The following TEX11 variants were observed in gnomAD, a reference collection of about 807,000 sequenced individuals.
The protein encoded by TEX11 is testis-expressed protein 11.
In TEX11, 7 loss-of-function variants were observed where a neutral mutation model predicts 84.4. The ratio of observed to expected loss-of-function variants is 0.08; its 90% confidence interval spans 0.05 to 0.16. TEX11 has a LOEUF of 0.16. TEX11 is among the 10% of genes least tolerant of loss of function. The pLI is 1.00. For missense variants in TEX11, 551 were observed against 660.5 expected (o/e 0.83, Z 1.82); for synonymous variants, 264 against 222.8 (o/e 1.18, Z -1.64).
chrX:70,734,592 A>C (rs1229817893), intron 11 of TEX11, among the ~76,000 whole-genome samples: 1 of 111,919 alleles, frequency 8.9e-6, no homozygotes, highest in Admixed American at 9.5e-5. Flanking sequence ...TGAATAATTC[A>C]CACTTTATTT....
At chrX:70,671,760 C>G (rs185827212) in intron 15 of TEX11, among the ~76,000 whole-genome samples, 151 of 107,378 alleles carry the variant, frequency 1.4e-3, no homozygotes, top group Middle Eastern at 4.9e-3. Context: ...ATTTTGTTCC[C>G]TTTTTTCTCT....
At chrX:70,715,198 C>T (rs1013115293) in intron 13 of TEX11, among the ~76,000 whole-genome samples, 3 of 107,887 alleles carry the variant, frequency 2.8e-5, no homozygotes, top group East Asian at 5.9e-4. Context: ...GTGGGCAACC[C>T]GACCTTTCTC....
intron 28 of TEX11, among the ~76,000 whole-genome samples, chrX:70,547,927 C>G (rs1458767512): frequency 9.0e-6 from 1 of 111,559 alleles, no homozygotes; most frequent in Non-Finnish European, 1.9e-5. Flanking sequence ...GGGTATATAC[C>G]CAAAGGGCTA....
At chrX:70,837,621 G>A (rs1202052091) in intron 7 of TEX11, among the ~76,000 whole-genome samples, 7 of 105,675 alleles carry the variant, frequency 6.6e-5, no homozygotes, top group Non-Finnish European at 1.1e-4. Flanking sequence ...AGACAAGGAC[G>A]GATCGCAAAA....
chrX:70,813,565 T>C (rs1214965026), intron 8 of TEX11, among the ~76,000 whole-genome samples: 6 of 110,522 alleles, frequency 5.4e-5, no homozygotes. Flanking sequence ...CTCTCACCAC[T>C]CCTATTCAAC....
At chrX:70,519,993 G>C in the TEX11 span, among the ~76,000 whole-genome samples, 1 of 111,465 alleles carries the variant, frequency 9.0e-6, no homozygotes, top group African/African-American at 3.3e-5. Flanking sequence ...TCTCTACACT[G>C]TTTATTCTAG....
At chrX:70,883,182 CTA>C (rs921762790) in intron 2 of TEX11, among the ~76,000 whole-genome samples, 3 of 111,615 alleles carry the variant, frequency 2.7e-5, no homozygotes, top group African/African-American at 9.8e-5. Context: ...CAGGGTCTTG[CTA>C]TGTTGCCCAG....
At chrX:70,647,292 G>A (rs746125861) in intron 17 of TEX11, among the ~76,000 whole-genome samples, 19 of 111,682 alleles carry the variant, frequency 1.7e-4, no homozygotes, top group Admixed American at 7.6e-4. Context: ...CAGAATTTCC[G>A]TTGAGCAGAA....
At chrX:70,899,879 T>A (rs922382856) in intron 2 of TEX11, among the ~76,000 whole-genome samples, 4 of 72,250 alleles carry the variant, frequency 5.5e-5, no homozygotes, top group Non-Finnish European at 1.0e-4. Context: ...AAGGACCAGG[T>A]GTGGTGGCTC....
chrX:70,593,056 AACACACACACACACACAC>A (rs56116828), intron 24 of TEX11, among the ~76,000 whole-genome samples: 4 of 95,975 alleles, frequency 4.2e-5, no homozygotes, highest in South Asian at 1.1e-3. Flanking sequence ...AGAGCATTTT[AACACACACACACACACAC>A]ACACACACAC....
chrX:70,768,040 T>A (rs937596763), intron 9 of TEX11, among the ~76,000 whole-genome samples: 2 of 110,992 alleles, frequency 1.8e-5, no homozygotes, highest in African/African-American at 6.6e-5. Context: ...AAAAATAGTT[T>A]AAAAGAAGGA....
intron 28 of TEX11, among the ~76,000 whole-genome samples, chrX:70,535,486 C>A (rs2087944630): frequency 9.0e-6 from 1 of 110,921 alleles, no homozygotes; most frequent in African/African-American, 3.3e-5. Flanking sequence ...GTGGCTCATG[C>A]CTATAATCCC....
At chrX:70,764,984 AC>A (rs1377256107) in intron 9 of TEX11, among the ~76,000 whole-genome samples, 2 of 111,801 alleles carry the variant, frequency 1.8e-5, no homozygotes, top group African/African-American at 6.5e-5. Context: ...GGCCAGTATT[AC>A]CCTGATACCA....
At chrX:70,719,116 C>CA (rs1160919452) in intron 13 of TEX11, among the ~76,000 whole-genome samples, 1 of 111,463 alleles carries the variant, frequency 9.0e-6, no homozygotes, top group Admixed American at 9.6e-5. Context: ...CCAATTCATC[C>CA]AAAAAAAGCA....
intron 16 of TEX11, among the ~76,000 whole-genome samples, chrX:70,655,794 G>A (rs2089858877): frequency 9.0e-6 from 1 of 110,600 alleles, no homozygotes; most frequent in South Asian, 3.8e-4. Flanking sequence ...GTTGTTTTAA[G>A]CCACACAGTT....
intron 10 of TEX11, among the ~76,000 whole-genome samples, chrX:70,741,191 A>G (rs996181970): frequency 1.8e-5 from 2 of 111,671 alleles, no homozygotes; most frequent in Non-Finnish European, 3.8e-5. Context: ...AAGCTCCCCC[A>G]AATGACTTTT....
chrX:70,567,784 G>T (rs1030603086), intron 25 of TEX11, among the ~76,000 whole-genome samples: 2 of 111,333 alleles, frequency 1.8e-5, no homozygotes, highest in South Asian at 7.6e-4. Context: ...TTGTTATAAT[G>T]TTTGTTCTTT....
chrX:70,670,994 T>C (rs1037245949), intron 15 of TEX11, among the ~76,000 whole-genome samples: 8 of 111,890 alleles, frequency 7.1e-5, no homozygotes, highest in African/African-American at 2.6e-4. Context: ...GTTTTGTACA[T>C]ATTAATCTAT....
chrX:70,563,801 T>C (rs1477219444), intron 25 of TEX11, among the ~76,000 whole-genome samples: 6 of 112,822 alleles, frequency 5.3e-5, no homozygotes, highest in African/African-American at 1.9e-4. Context: ...TCTTTTATTT[T>C]GTTAATGTGC....
Sources: gnomAD v4.1 joint callset for allele counts (sites outside exome capture counted in the v4.1 genomes callset) on GRCh38, gnomAD v4.1.1 for gene constraint, MANE v1.5 for transcripts, NCBI Gene and HGNC (gene_info 2026-07-23, HGNC 2026-07-21) for gene names.